SDR42E2: variants seen among roughly 807,000 people sequenced by gnomAD.
SDR42E2 encodes the protein putative short-chain dehydrogenase/reductase family 42E member 2.
A neutral mutation model predicts 10.5 loss-of-function variants in SDR42E2; 20 were observed. The ratio of observed to expected loss-of-function variants is 1.90; its 90% CI spans 1.34 to 2.77. The LOEUF (loss-of-function observed/expected upper bound fraction) is 2.77. Among genes scored for constraint, SDR42E2 ranks in the 30% most tolerant of loss-of-function variants. The pLI is 0.00. For missense variants in SDR42E2, 162 were observed against 104.2 expected, an observed-to-expected ratio of 1.55 and a Z score of -2.42; for synonymous variants, 72 against 39.2, an observed-to-expected ratio of 1.84 and a Z score of -3.12.
chr16:22,178,263 G>A lies in SDR42E2; in HGVS notation c.672+51G>A. ...CAAGTCAGAGAAGGATCCTGGCTGA[G>A]GTGTACACTGGTCGGGCCCTCCCAG... is the stretch of plus-strand genomic sequence containing the variant. On this transcript the variant is annotated intron_variant, in intron 8 of 12. Transcript: ENST00000602312. The A allele has an allele frequency of 4.3e-6, 3 of 693,178 alleles. No homozygotes were observed. In the East Asian group the frequency reaches 8.1e-5, roughly 19 times the overall value. The allele number at this position is 693,178 out of a possible 1,614,324, so 42.9% of individuals were successfully genotyped here.
chr16:22,164,759 G>A (rs2046521564), intron 1 of SDR42E2, among the ~76,000 whole-genome samples: 1 of 152,142 alleles, frequency 6.6e-6, no homozygotes, highest in Admixed American at 6.6e-5. Flanking sequence ...AGGGTGCAGA[G>A]TCCTTTTGGA....
At chr16:22,188,752 G>A (rs144094674) in intron 12 of SDR42E2, among the ~76,000 whole-genome samples, 8 of 152,258 alleles carry the variant, frequency 5.3e-5, no homozygotes, top group Non-Finnish European at 8.8e-5. Flanking sequence ...TTCCTTGGCT[G>A]TGGCTCGGGT....
intron 4 of SDR42E2, 124 bp from the exon 5 acceptor site, chr16:22,169,321 G>T: frequency 1.5e-6 from 1 of 664,506 alleles, no homozygotes; most frequent in Non-Finnish European, 2.8e-6. Context: ...GTGGGCCTTC[G>T]GGATCCCTGC....
rs1464918470 is a variant in SDR42E2, at chr16:22,191,205, C to T, written c.*812C>T. On this transcript the variant is annotated 3_prime_UTR_variant, in exon 13 of 13. Coordinates refer to ENST00000602312, the MANE Select transcript of SDR42E2 (RefSeq NM_001394319.2). ...GTCCCGGCCCACCCCCAGATTCTCC[C>T]TCATTCTGGTTTCGCCCCCTTTCTG... 1 of 153,746 alleles carries T rather than the reference C, an allele frequency of 6.5e-6. No individual in the cohort carries two copies. Among genetic ancestry groups the T allele is most frequent in the Admixed American group, 6.6e-5 (1 of 15,250 alleles). The allele number at this position is 153,746 out of a possible 1,614,324, so 9.5% of individuals were successfully genotyped here. A position where few individuals can be genotyped will look rare whatever the true frequency, so the allele number is the denominator to read the frequency against.
chr16:22,182,601 A>C (rs1189600882), intron 10 of SDR42E2, among the ~76,000 whole-genome samples: 5 of 148,772 alleles, frequency 3.4e-5, no homozygotes, highest in African/African-American at 1.2e-4. Flanking sequence ...ACCCACCTCG[A>C]CCTCCCAGAG....
chr16:22,177,869 A>G (rs986731724), intron 7 of SDR42E2, among the ~76,000 whole-genome samples: 2 of 138,054 alleles, frequency 1.4e-5, no homozygotes, highest in East Asian at 4.2e-4. Context: ...GAGGGCAGGG[A>G]CCATTTATTG....
chr16:22,178,652 C>T (rs2046666298), intron 8 of SDR42E2, among the ~76,000 whole-genome samples: 1 of 152,188 alleles, frequency 6.6e-6, no homozygotes, highest in Non-Finnish European at 1.5e-5. Context: ...ACAGACACCA[C>T]AGTCACAGCT....
At chr16:22,164,076 T>TGGGGGGGGGGGGGGGGGGGGGGGGGGGGG (rs1266223484) in intron 1 of SDR42E2, among the ~76,000 whole-genome samples, 1 of 64,238 alleles carries the variant, frequency 1.6e-5, no homozygotes, top group Non-Finnish European at 3.2e-5. Context: ...GGGAGGGGGG[T>TGGGGGGGGGGGGGGGGGGGGGGGGGGGGG]GGGGGGATGG....
At chr16:22,178,080 C>T (rs1407515396) in intron 7 of SDR42E2, 50 bp from the exon 8 acceptor site, 1 of 693,462 alleles carries the variant, frequency 1.4e-6, no homozygotes, top group Non-Finnish European at 2.6e-6. Flanking sequence ...CTCCCTCTCC[C>T]TGTGGGCTGC....
chr16:22,168,142 C>G (rs1448289724), intron 4 of SDR42E2, among the ~76,000 whole-genome samples: 1 of 152,078 alleles, frequency 6.6e-6, no homozygotes, highest in Non-Finnish European at 1.5e-5. Flanking sequence ...CACCTGTAAT[C>G]CCAGCACTTT....
chr16:22,166,662 T>C (rs542369673), intron 3 of SDR42E2, among the ~76,000 whole-genome samples: 2 of 152,150 alleles, frequency 1.3e-5, no homozygotes, highest in Non-Finnish European at 1.5e-5. Flanking sequence ...GATGAGACAG[T>C]GCACATAAAC....
chr16:22,190,280 G>A lies in SDR42E2; in HGVS notation c.1156G>A (p.Ala386Thr). The A allele has an allele frequency of 2.5e-6, 1 of 401,574 alleles. No individual in the cohort carries two copies. The highest frequency in any genetic ancestry group is 4.4e-6 in the Non-Finnish European group (1 of 226,522). The allele number at this position is 401,574 out of a possible 1,614,324, so 24.9% of individuals were successfully genotyped here. A position where few individuals can be genotyped will look rare whatever the true frequency, so the allele number is the denominator to read the frequency against. ...STTRRPRGSTARTLLRLLLRL... is the reference protein window; with the variant it reads ...STTRRPRGSTTRTLLRLLLRL... ...GACCCGGCGGCCCCGCGGCTCCACG[G>A]CGCGGACCCTCCTGCGCCTGCTGCT... is the stretch of plus-strand genomic sequence containing the variant. The change falls in exon 13 of 13, where the codon GCG (alanine) becomes ACG (threonine). Residue 386 changes from alanine to threonine, a missense_variant. Physicochemically the swap from Ala to Thr is moderately conservative, Grantham distance 58. Coordinates refer to ENST00000602312, the MANE Select transcript of SDR42E2 (RefSeq NM_001394319.2).
chr16:22,186,364 G>A (rs985690644), intron 11 of SDR42E2, among the ~76,000 whole-genome samples: 5 of 151,800 alleles, frequency 3.3e-5, no homozygotes, highest in African/African-American at 1.2e-4. Context: ...GTGCCACCAC[G>A]CCCGGCTAAT....
intron 3 of SDR42E2, 35 bp from the exon 4 acceptor site, chr16:22,166,869 A>AC: frequency 1.7e-6 from 1 of 584,230 alleles, no homozygotes; most frequent in Non-Finnish European, 3.2e-6. Context: ...TTGGACTTGA[A>AC]CCCCCTGCCC....
At chr16:22,189,142 AGGAAAAAAAG>A (rs974994053) in intron 12 of SDR42E2, among the ~76,000 whole-genome samples, 1 of 152,162 alleles carries the variant, frequency 6.6e-6, no homozygotes, top group African/African-American at 2.4e-5. Flanking sequence ...CTTACTGACT[AGGAAAAAAAG>A]GGACAAATAC....
At chr16:22,181,976 T>C (rs1336986505) in intron 9 of SDR42E2, among the ~76,000 whole-genome samples, 1 of 152,198 alleles carries the variant, frequency 6.6e-6, no homozygotes, top group Admixed American at 6.5e-5. Flanking sequence ...ATTATTATCC[T>C]CCCATTTCTC....
intron 12 of SDR42E2, among the ~76,000 whole-genome samples, chr16:22,188,033 T>C (rs1263101503): frequency 6.6e-6 from 1 of 151,340 alleles, no homozygotes; most frequent in Non-Finnish European, 1.5e-5. Flanking sequence ...AAGGTGGAGG[T>C]TGCAGTGTGC....
At chr16:22,180,185 G>C (rs1189038478) in intron 8 of SDR42E2, among the ~76,000 whole-genome samples, 1 of 152,142 alleles carries the variant, frequency 6.6e-6, no homozygotes. Context: ...CTAGCAGGAT[G>C]GGAGCCCCTG....
chr16:22,162,854 C>T (rs1010059420), intron 1 of SDR42E2, among the ~76,000 whole-genome samples: 7 of 152,206 alleles, frequency 4.6e-5, no homozygotes, highest in African/African-American at 1.7e-4. Flanking sequence ...GAACCATAGC[C>T]TGTACTTCAC....
Sources: gnomAD v4.1 joint callset for allele counts (sites outside exome capture counted in the v4.1 genomes callset) on GRCh38, gnomAD v4.1.1 for gene constraint, MANE v1.5 for transcripts, NCBI Gene and HGNC (gene_info 2026-07-23, HGNC 2026-07-21) for gene names.